Variants in GOPC observed in about 807,000 individuals in gnomAD.
GOPC encodes golgi associated PDZ and coiled-coil motif containing.
A neutral mutation model predicts 51.2 loss-of-function variants in GOPC; 32 were observed. The ratio of observed to expected loss-of-function variants is 0.63; its 90% CI spans 0.47 to 0.84. The LOEUF is 0.84. GOPC is among the 40% of genes least tolerant of loss of function. The pLI is 0.00. For missense variants in GOPC, 441 were observed against 555.5 expected, an observed-to-expected ratio of 0.79 and a Z score of 2.07; for synonymous variants, 190 against 205.1, an observed-to-expected ratio of 0.93 and a Z score of 0.63.
intron 1 of GOPC, among the ~76,000 whole-genome samples, chr6:117,598,082 G>A (rs1193976894): frequency 6.6e-6 from 1 of 151,718 alleles, no homozygotes; most frequent in Non-Finnish European, 1.5e-5. Flanking sequence ...TGATTTACCA[G>A]GCATGGTGGC....
At chr6:117,567,181 T>C in intron 7 of GOPC, 147 bp from the exon 8 acceptor site, 2 of 567,030 alleles carry the variant, frequency 3.5e-6, no homozygotes, top group East Asian at 3.0e-5. Context: ...TTCTAGAATC[T>C]AAAGAGGTAG....
chr6:117,571,333 G>A (rs565699220), intron 5 of GOPC, among the ~76,000 whole-genome samples: 17 of 152,230 alleles, frequency 1.1e-4, no homozygotes, highest in African/African-American at 3.6e-4. Context: ...GAGTTGTAGA[G>A]TTGAAAAACA....
chr6:117,567,141 T>G (rs143379490), intron 7 of GOPC, 107 bp from the exon 8 acceptor site: 4 of 667,148 alleles, frequency 6.0e-6, no homozygotes, highest in Non-Finnish European at 9.3e-6. Flanking sequence ...ATCTAAGAGA[T>G]AGCTGATTTC....
At position 117,574,862 on chromosome 6, in the gene GOPC, C is replaced by T. The variant is rs1473011628; in HGVS notation, c.650+315G>A. 3.3e-5 allele frequency among the ~76,000 whole-genome samples: 5 copies of T among 152,088 alleles called. No individual in the cohort carries two copies. The East Asian group carries it at 9.6e-4, about 29-fold the overall frequency. On this transcript the variant is annotated intron_variant, in intron 4 of 8. Transcript: ENST00000368498. ...TTGGGAGGCCAAGGTGGATGGATCA[C>T]AAGGTCAGGAGTTTGAGACCAGCCT...
intron 1 of GOPC, among the ~76,000 whole-genome samples, chr6:117,596,249 T>C (rs2114629869): frequency 6.6e-6 from 1 of 152,242 alleles, no homozygotes; most frequent in East Asian, 1.9e-4. Flanking sequence ...GGATTGTTTG[T>C]TTTTTTCTTG....
At chr6:117,595,334 T>C (rs1258825169) in intron 1 of GOPC, among the ~76,000 whole-genome samples, 2 of 152,242 alleles carry the variant, frequency 1.3e-5, no homozygotes, top group African/African-American at 2.4e-5. Flanking sequence ...TTCATTCCAA[T>C]GCCTCTCTAG....
chr6:117,577,789 T>C (rs1033767550), intron 2 of GOPC, among the ~76,000 whole-genome samples: 2 of 152,124 alleles, frequency 1.3e-5, no homozygotes, highest in East Asian at 3.8e-4. Context: ...TAATGTCAAA[T>C]AGCTCGAAGA....
At chr6:117,575,545 G>A (rs1409319161) in intron 3 of GOPC, 193 bp from the exon 4 acceptor site, 1 of 752,560 alleles carries the variant, frequency 1.3e-6, no homozygotes. Flanking sequence ...TAAAATAATT[G>A]CACGCCATGG....
intron 1 of GOPC, among the ~76,000 whole-genome samples, chr6:117,596,426 TTG>T (rs1314826024): frequency 4.6e-5 from 7 of 152,228 alleles, no homozygotes; most frequent in African/African-American, 1.4e-4. Flanking sequence ...TTTGTTTTTG[TTG>T]TGTTTGCTTT....
In GOPC at chr6:117,561,384, T is replaced by C. The variant is rs553364576; in HGVS notation, c.*1870A>G. 6.2e-5 allele frequency: 14 copies of C among 224,844 alleles called. No homozygotes were observed. Among genetic ancestry groups the C allele is most frequent in the Admixed American group, 3.4e-4 (6 of 17,496 alleles). The allele number at this position is 224,844 out of a possible 1,614,324, so 13.9% of individuals were successfully genotyped here. The stretch of plus-strand genomic sequence containing the variant: ...AGGATGTTCTCTGAAAAAAATGCCA[T>C]GGCCATTCCATCCCAGGCTGTGTTT... On this transcript the variant is annotated 3_prime_UTR_variant, in exon 9 of 9. Transcript: ENST00000368498.
At chr6:117,589,625 GT>G (rs57705953) in intron 1 of GOPC, among the ~76,000 whole-genome samples, 9 of 149,798 alleles carry the variant, frequency 6.0e-5, no homozygotes, top group East Asian at 2.0e-4. Context: ...CAGCCCTAAT[GT>G]TTTTTTTTTA....
chr6:117,578,810 T>C lies in GOPC; in HGVS notation c.450+90A>G, dbSNP rs767801519. 5.0e-4 allele frequency: 378 copies of C among 754,422 alleles called. 1 individual carries two copies. The highest frequency in any genetic ancestry group is 5.2e-4 in the Non-Finnish European group (269 of 516,802). 46.7% of individuals were successfully genotyped at this position (754,422 alleles called of 1,614,324 possible). A position where few individuals can be genotyped will look rare whatever the true frequency, so the allele number is the denominator to read the frequency against. On this transcript the variant is annotated intron_variant, in intron 2 of 8. Coordinates refer to ENST00000368498, the MANE Select transcript of GOPC (RefSeq NM_020399.4). ...TTCTAAATTTCCCACAATAAGCACA[T>C]ATATTTTATAATTTAAAAGTCTCAT...
intron 5 of GOPC, among the ~76,000 whole-genome samples, chr6:117,571,382 G>C (rs2114609177): frequency 6.6e-6 from 1 of 152,108 alleles, no homozygotes; most frequent in South Asian, 2.1e-4. Flanking sequence ...TACATTCCTT[G>C]GTGCTCTGGA....
intron 1 of GOPC, among the ~76,000 whole-genome samples, chr6:117,587,807 C>T (rs1780055644): frequency 6.6e-6 from 1 of 151,956 alleles, no homozygotes; most frequent in Admixed American, 6.6e-5. Context: ...TGGCACCAAG[C>T]TCCATCAGTA....
chr6:117,561,180 GT>G lies in GOPC; in HGVS notation c.*2073del, dbSNP rs1779577493. 2 of 223,460 alleles carry G rather than the reference GT, an allele frequency of 9.0e-6. No homozygotes were observed. The highest frequency in any genetic ancestry group is 8.9e-6 in the Non-Finnish European group (1 of 112,000). 13.8% of individuals were successfully genotyped at this position (223,460 alleles called of 1,614,324 possible). ...TGGAAACTTTTCATTCTATTTATCAGTCCTTAAAAGGAATTTATATCATGAC... is the reference window on the plus strand; with the variant it reads ...TGGAAACTTTTCATTCTATTTATCAGCCTTAAAAGGAATTTATATCATGAC... On this transcript the variant is annotated 3_prime_UTR_variant, in exon 9 of 9. Transcript: ENST00000368498.
intron 1 of GOPC, among the ~76,000 whole-genome samples, chr6:117,598,935 G>A (rs1314689395): frequency 6.6e-6 from 1 of 152,114 alleles, no homozygotes; most frequent in Non-Finnish European, 1.5e-5. Flanking sequence ...TAATGTTTGA[G>A]GTGACAGATA....
chr6:117,567,112 A>G (rs1779714153), intron 7 of GOPC, 78 bp from the exon 8 acceptor site: 1 of 1,054,824 alleles, frequency 9.5e-7, no homozygotes. Flanking sequence ...TCTTTGTGGG[A>G]AGGCTTAGGG....
At chr6:117,592,896 C>G (rs2114627077) in intron 1 of GOPC, among the ~76,000 whole-genome samples, 1 of 152,146 alleles carries the variant, frequency 6.6e-6, no homozygotes, top group East Asian at 1.9e-4. Flanking sequence ...CTTCCTTAGT[C>G]TTCAATTTAT....
chr6:117,562,843 AT>A lies in GOPC; in HGVS notation c.*410del, dbSNP rs1369915463. ...TGTCTTCTGAAATACCACAGTTAAC[AT>A]TCTAGAATATAAAATATGAATTCAC... On this transcript the variant is annotated 3_prime_UTR_variant, in exon 9 of 9. Coordinates refer to ENST00000368498, the MANE Select transcript of GOPC (RefSeq NM_020399.4). The A allele has an allele frequency of 4.6e-6, 1 of 215,680 alleles. No homozygotes were observed. The highest frequency in any genetic ancestry group is 9.3e-6 in the Non-Finnish European group (1 of 107,048). The allele number at this position is 215,680 out of a possible 1,614,324, so 13.4% of individuals were successfully genotyped here.
Sources: gnomAD v4.1 joint callset for allele counts (sites outside exome capture counted in the v4.1 genomes callset) on GRCh38, gnomAD v4.1.1 for gene constraint, MANE v1.5 for transcripts, NCBI Gene and HGNC (gene_info 2026-07-23, HGNC 2026-07-21) for gene names.